Variants in CSMD1 observed in about 807,000 individuals in gnomAD.
CSMD1 encodes CUB and sushi domain-containing protein 1.
CSMD1 carries 213 observed loss-of-function variants against 417.5 expected under a neutral mutation model. The observed-to-expected ratio is 0.51, with a 90% CI of 0.46 to 0.57. The LOEUF is 0.57. CSMD1 is among the 20% of genes least tolerant of loss of function. The probability of loss-of-function intolerance (pLI) is 0.00; values close to 1 mark genes in which losing one functional copy is unlikely to be tolerated. For missense variants in CSMD1, 6,923 were observed against 4,529.7 expected, an observed-to-expected ratio of 1.53 and a Z score of -15.17; for synonymous variants, 2,862 against 1,736.8, an observed-to-expected ratio of 1.65 and a Z score of -16.11.
intron 7 of CSMD1, among the ~76,000 whole-genome samples, chr8:3,671,720 C>A (rs1799078513): frequency 6.6e-6 from 1 of 151,632 alleles, no homozygotes; most frequent in Non-Finnish European, 1.5e-5. Flanking sequence ...GTGTTGCATG[C>A]CCAGCACCGG....
chr8:3,338,351 G>C (rs1011817628), intron 23 of CSMD1, among the ~76,000 whole-genome samples: 4 of 152,194 alleles, frequency 2.6e-5, no homozygotes, highest in Admixed American at 2.6e-4. Context: ...AAGTGAATGA[G>C]GGCAGTAGAC....
chr8:4,993,411 G>A (rs1010541628), intron 1 of CSMD1, among the ~76,000 whole-genome samples: 4 of 152,006 alleles, frequency 2.6e-5, no homozygotes, highest in East Asian at 1.9e-4. Flanking sequence ...CCTCTTTCTC[G>A]CCCTGTCTCA....
At chr8:3,952,195 G>C (rs556536820) in intron 5 of CSMD1, among the ~76,000 whole-genome samples, 7 of 152,104 alleles carry the variant, frequency 4.6e-5, no homozygotes, top group African/African-American at 9.7e-5. Flanking sequence ...TGGTGTCTCC[G>C]AGGTGAAAAG....
intron 1 of CSMD1, among the ~76,000 whole-genome samples, chr8:4,680,365 T>C (rs1026457631): frequency 6.6e-6 from 1 of 152,236 alleles, no homozygotes; most frequent in African/African-American, 2.4e-5. Context: ...TATCTTTCCC[T>C]ACTAATGTTA....
chr8:4,179,455 G>C (rs1036110623), intron 3 of CSMD1, among the ~76,000 whole-genome samples: 26 of 151,736 alleles, frequency 1.7e-4, no homozygotes, highest in African/African-American at 2.7e-4. Flanking sequence ...TTAAACGTTA[G>C]ACCTAAAACC....
intron 1 of CSMD1, among the ~76,000 whole-genome samples, chr8:4,801,034 A>G (rs1057427809): frequency 7.2e-5 from 11 of 152,222 alleles, no homozygotes; most frequent in African/African-American, 2.4e-4. Context: ...TGGATTCACC[A>G]TTTAATACGT....
intron 2 of CSMD1, among the ~76,000 whole-genome samples, chr8:4,423,736 A>G (rs1356271973): frequency 9.5e-6 from 1 of 105,458 alleles, no homozygotes; most frequent in African/African-American, 3.3e-5. Flanking sequence ...GCAAACAAAC[A>G]AAAAAAAATA....
rs368857362 is a variant in CSMD1, at chr8:3,743,684, G to A, written c.931+10246C>T. On this transcript the variant is annotated intron_variant, in intron 6 of 69. Transcript: ENST00000635120. ...AAGATGAAAAGCTCCACACTTCTCC[G>A]TATTTTTTCCCATAAAGACATTCCT... 1.4e-4 allele frequency among the ~76,000 whole-genome samples: 21 copies of A among 152,162 alleles called. No individual in the cohort carries two copies. In the South Asian group the frequency reaches 2.1e-3, roughly 15 times the overall value.
At chr8:3,337,272 G>T (rs944408976) in intron 23 of CSMD1, among the ~76,000 whole-genome samples, 3 of 152,018 alleles carry the variant, frequency 2.0e-5, no homozygotes, top group African/African-American at 7.3e-5. Flanking sequence ...ATACCAATTT[G>T]GATGAAATAA....
chr8:4,236,204 C>T (rs1222012143), intron 3 of CSMD1, among the ~76,000 whole-genome samples: 2 of 152,004 alleles, frequency 1.3e-5, no homozygotes, highest in Non-Finnish European at 2.9e-5. Context: ...TGTACGTCTG[C>T]GGGAATTCAT....
At chr8:3,547,943 G>C (rs1798745118) in intron 10 of CSMD1, among the ~76,000 whole-genome samples, 1 of 152,038 alleles carries the variant, frequency 6.6e-6, no homozygotes, top group Non-Finnish European at 1.5e-5. Context: ...TCATAAAGTA[G>C]AAATTTGCGA....
chr8:3,604,442 C>A (rs1801507990), intron 8 of CSMD1, among the ~76,000 whole-genome samples: 2 of 151,958 alleles, frequency 1.3e-5, no homozygotes, highest in South Asian at 4.2e-4. Flanking sequence ...GCTGAGAGGA[C>A]AGAAGATGTC....
chr8:4,851,683 G>A (rs779395688), intron 1 of CSMD1, among the ~76,000 whole-genome samples: 29 of 152,028 alleles, frequency 1.9e-4, no homozygotes, highest in Admixed American at 1.9e-3. Context: ...CTCACTAAGA[G>A]TCCCATTGTG....
chr8:4,234,510 C>T (rs1801930779), intron 3 of CSMD1, among the ~76,000 whole-genome samples: 1 of 152,180 alleles, frequency 6.6e-6, no homozygotes, highest in African/African-American at 2.4e-5. Context: ...CAGCAGTCTA[C>T]ACTAGATATC....
chr8:4,816,865 G>A, intron 1 of CSMD1, among the ~76,000 whole-genome samples: 1 of 152,098 alleles, frequency 6.6e-6, no homozygotes. Flanking sequence ...AAGTCATATG[G>A]GGGTCTCAGA....
Position 2,972,048 on chromosome 8 carries a change from T to C in CSMD1, c.8923+1069A>G, listed in dbSNP as rs141472159. Among the ~76,000 whole-genome samples, 546 of 152,190 alleles carry C rather than the reference T, an allele frequency of 3.6e-3. 25 individuals are homozygous for C. In the East Asian group the frequency reaches 0.097, roughly 27 times the overall value. On this transcript the variant is annotated intron_variant, in intron 57 of 69. Transcript: ENST00000635120. ...TATATACACTATGCATGGGTAAATATAATATATAAATATGCAAATATATGC... is the reference window on the plus strand; with the variant it reads ...TATATACACTATGCATGGGTAAATACAATATATAAATATGCAAATATATGC...
At chr8:3,556,874 C>A (rs201650153) in intron 10 of CSMD1, among the ~76,000 whole-genome samples, 1 of 152,120 alleles carries the variant, frequency 6.6e-6, no homozygotes, top group Non-Finnish European at 1.5e-5. Context: ...CAGCACACTT[C>A]GTACTTCACA....
chr8:3,317,081 T>C (rs1447526418), intron 23 of CSMD1, among the ~76,000 whole-genome samples: 1 of 151,984 alleles, frequency 6.6e-6, no homozygotes, highest in Non-Finnish European at 1.5e-5. Flanking sequence ...AGATGATAGA[T>C]GGGGTCTGTG....
At chr8:2,959,470 C>T (rs1034078610) in intron 62 of CSMD1, among the ~76,000 whole-genome samples, 1 of 152,208 alleles carries the variant, frequency 6.6e-6, no homozygotes, top group East Asian at 1.9e-4. Flanking sequence ...AACCAGACCT[C>T]CTGGTAAACA....
Sources: gnomAD v4.1 joint callset for allele counts (sites outside exome capture counted in the v4.1 genomes callset) on GRCh38, gnomAD v4.1.1 for gene constraint, MANE v1.5 for transcripts, NCBI Gene and HGNC (gene_info 2026-07-23, HGNC 2026-07-21) for gene names.